CENPW: variants seen among roughly 807,000 people sequenced by gnomAD.
CENPW encodes centromere protein W, also known as cancer-up-regulated gene 2 protein.
A neutral mutation model predicts 11.1 loss-of-function variants in CENPW; 3 were observed. The ratio of observed to expected loss-of-function variants is 0.27; its 90% confidence interval spans 0.12 to 0.70. The LOEUF (loss-of-function observed/expected upper bound fraction) is 0.70, where lower values mean the gene tolerates loss of function less well. Ranked by LOEUF, CENPW falls within the 30% of genes least tolerant of loss-of-function variation. CENPW has a pLI of 0.77. For missense variants in CENPW, 100 were observed against 105.6 expected, an observed-to-expected ratio of 0.95 and a Z score of 0.23; for synonymous variants, 38 against 42.0, an observed-to-expected ratio of 0.91 and a Z score of 0.37.
the CENPW span, among the ~76,000 whole-genome samples, chr6:126,394,205 CT>C: frequency 8.9e-6 from 1 of 112,288 alleles, no homozygotes; most frequent in East Asian, 2.3e-3. Flanking sequence ...TCTTCTTTTC[CT>C]TCTTTTATTT....
chr6:126,412,426 T>C, the CENPW span, among the ~76,000 whole-genome samples: 1 of 152,190 alleles, frequency 6.6e-6, no homozygotes, highest in Non-Finnish European at 1.5e-5. Flanking sequence ...GCTGTTAATC[T>C]TACTGGTATT....
chr6:126,407,935 T>G, the CENPW span, among the ~76,000 whole-genome samples: 1 of 152,216 alleles, frequency 6.6e-6, no homozygotes, highest in Non-Finnish European at 1.5e-5. Flanking sequence ...TTTAGTTTAA[T>G]TAGATTCCAT....
At chr6:126,434,433 A>G in the CENPW span, among the ~76,000 whole-genome samples, 2 of 152,082 alleles carry the variant, frequency 1.3e-5, no homozygotes. Flanking sequence ...ATCATAATAC[A>G]TATAACATTT....
At chr6:126,474,526 C>T in the CENPW span, among the ~76,000 whole-genome samples, 4 of 152,148 alleles carry the variant, frequency 2.6e-5, no homozygotes, top group African/African-American at 9.6e-5. Context: ...AGGTAGTTCC[C>T]AAAAGAGTTA....
At chr6:126,452,924 CT>C in the CENPW span, among the ~76,000 whole-genome samples, 3 of 151,032 alleles carry the variant, frequency 2.0e-5, no homozygotes, top group Non-Finnish European at 4.5e-5. Flanking sequence ...AATGATTTGA[CT>C]TTCTGTAATT....
chr6:126,476,733 T>C, the CENPW span, among the ~76,000 whole-genome samples: 1 of 151,984 alleles, frequency 6.6e-6, no homozygotes, highest in African/African-American at 2.4e-5. Flanking sequence ...TTTAAGGAGA[T>C]ATATCACAAA....
downstream of CENPW, among the ~76,000 whole-genome samples, chr6:126,351,545 GGGAAGAT>G (rs1291342912): frequency 1.3e-5 from 2 of 152,068 alleles, no homozygotes; most frequent in East Asian, 3.9e-4. Context: ...TTAGAGGTGG[GGGAAGAT>G]GTGTTTATTA....
chr6:126,357,326 C>T, the CENPW span, among the ~76,000 whole-genome samples: 1 of 152,126 alleles, frequency 6.6e-6, no homozygotes, highest in Non-Finnish European at 1.5e-5. Context: ...GTTTTGATTA[C>T]TGTAGCCTTA....
chr6:126,408,111 T>C, the CENPW span, among the ~76,000 whole-genome samples: 3 of 152,156 alleles, frequency 2.0e-5, no homozygotes, highest in Non-Finnish European at 4.4e-5. Flanking sequence ...TAAATGGTGC[T>C]GGAACAACTG....
chr6:126,452,985 A>G, the CENPW span, among the ~76,000 whole-genome samples: 1 of 151,220 alleles, frequency 6.6e-6, no homozygotes, highest in African/African-American at 2.4e-5. Flanking sequence ...ACATATTTAA[A>G]GTGCTAAAAG....
At chr6:126,443,800 G>C in the CENPW span, among the ~76,000 whole-genome samples, 26 of 151,000 alleles carry the variant, frequency 1.7e-4, no homozygotes, top group Middle Eastern at 6.8e-3. Flanking sequence ...GATCCTTATT[G>C]CCCACTCTCC....
the CENPW span, among the ~76,000 whole-genome samples, chr6:126,477,145 C>T: frequency 6.6e-6 from 1 of 151,958 alleles, no homozygotes; most frequent in Non-Finnish European, 1.5e-5. Flanking sequence ...ATATTTTCTA[C>T]ATTAACCTTA....
the CENPW span, among the ~76,000 whole-genome samples, chr6:126,481,626 T>C: frequency 1.3e-5 from 2 of 152,100 alleles, no homozygotes; most frequent in African/African-American, 4.8e-5. Flanking sequence ...GGCAGAGTCC[T>C]TATAACTCAA....
the CENPW span, among the ~76,000 whole-genome samples, chr6:126,442,358 T>C: frequency 1.3e-5 from 2 of 151,552 alleles, no homozygotes; most frequent in African/African-American, 4.8e-5. Flanking sequence ...TGTTAGTCCT[T>C]AAATAGATGG....
the CENPW span, among the ~76,000 whole-genome samples, chr6:126,423,847 AATT>A: frequency 0.43 from 64,280 of 148,400 alleles, 15,777 homozygotes; most frequent in East Asian, 0.97. Flanking sequence ...CTTTTTTTTA[AATT>A]ATTATTATAC....
At chr6:126,395,959 C>A in the CENPW span, among the ~76,000 whole-genome samples, 46 of 152,278 alleles carry the variant, frequency 3.0e-4, no homozygotes, top group African/African-American at 1.1e-3. Context: ...GTGGCCACCA[C>A]CACTGGGACT....
At chr6:126,375,823 C>T in the CENPW span, among the ~76,000 whole-genome samples, 2 of 152,112 alleles carry the variant, frequency 1.3e-5, no homozygotes, top group South Asian at 4.1e-4. Context: ...CAATCCTTTA[C>T]TCCTTTCTAA....
chr6:126,399,966 T>TTAA, the CENPW span, among the ~76,000 whole-genome samples: 1 of 152,240 alleles, frequency 6.6e-6, no homozygotes, highest in South Asian at 2.1e-4. Flanking sequence ...GTTTTTGTAT[T>TTAA]TAATTCATGT....
At chr6:126,460,479 C>T in the CENPW span, among the ~76,000 whole-genome samples, 1 of 151,568 alleles carries the variant, frequency 6.6e-6, no homozygotes, top group Admixed American at 6.6e-5. Context: ...ATCTTTTTAG[C>T]CTCAAATGTC....
Sources: allele counts gnomAD v4.1 joint callset (sites outside exome capture counted in the v4.1 genomes callset), GRCh38; gene constraint gnomAD v4.1.1; transcripts MANE v1.5; gene names NCBI Gene and HGNC (gene_info 2026-07-23, HGNC 2026-07-21).